BAZ2A: variants seen among roughly 807,000 people sequenced by gnomAD.
BAZ2A encodes the protein bromodomain adjacent to zinc finger domain protein 2A.
Under a neutral mutation model 199.9 loss-of-function variants are expected in BAZ2A, and 34 were observed. The observed-to-expected ratio is 0.17, with a 90% CI of 0.13 to 0.23. BAZ2A has a LOEUF of 0.23. BAZ2A is among the 10% of genes least tolerant of loss of function. The pLI, the probability that BAZ2A is intolerant of heterozygous loss-of-function variation, is 1.00. For synonymous variants in BAZ2A, 857 were observed against 883.9 expected (o/e 0.97, Z 0.54); for missense variants, 2,002 against 2,391.1 (o/e 0.84, Z 3.39).
upstream of BAZ2A, among the ~76,000 whole-genome samples, chr12:56,632,707 C>A (rs1216438529): frequency 6.6e-6 from 1 of 152,182 alleles, no homozygotes; most frequent in Non-Finnish European, 1.5e-5. Context: ...TTCTTCCCAT[C>A]TGGTGCAGAA....
intron 26 of BAZ2A, 89 bp downstream of exon 26, chr12:56,599,613 C>G: frequency 6.4e-7 from 1 of 1,568,850 alleles, no homozygotes. Context: ...CCCTAATACC[C>G]AGTCTAGGAC....
chr12:56,609,147 G>C (rs998763398), intron 10 of BAZ2A, among the ~76,000 whole-genome samples: 1 of 151,976 alleles, frequency 6.6e-6, no homozygotes, highest in Non-Finnish European at 1.5e-5. Flanking sequence ...CGAAGTGCTG[G>C]GATTACAGGT....
chr12:56,603,788 G>T (rs1048826472), intron 16 of BAZ2A, 88 bp from the exon 17 acceptor site: 3 of 1,453,216 alleles, frequency 2.1e-6, no homozygotes, highest in South Asian at 1.3e-5. Flanking sequence ...CAAGACAGGC[G>T]GATCACCTGA....
At position 56,599,418 on chromosome 12, in the gene BAZ2A, C is replaced by T. The variant is rs1464318990; in HGVS notation, c.5173-60G>A. The stretch of plus-strand genomic sequence containing the variant: ...TGGAGATGCACTGCTTGCCCTACTA[C>T]AATCTCTGCCTAAATATGATTTAAG... On this transcript the variant is annotated intron_variant, in intron 26 of 28. Coordinates refer to ENST00000549884, the MANE Select transcript of BAZ2A (RefSeq NM_001300905.2). 7.9e-6 allele frequency: 12 copies of T among 1,524,838 alleles called. No individual in the cohort carries two copies. The East Asian group carries it at 1.6e-4, about 21-fold the overall frequency. The allele number at this position is 1,524,838 out of a possible 1,614,324, so 94.5% of individuals were successfully genotyped here.
chr12:56,621,266 A>G, intron 1 of BAZ2A: 3 of 985,280 alleles, frequency 3.0e-6, no homozygotes, highest in Non-Finnish European at 3.6e-6. Flanking sequence ...GGAAAAGCAC[A>G]GCATATCCTG....
chr12:56,603,179 A>G (rs1008228620), intron 18 of BAZ2A, among the ~76,000 whole-genome samples, 180 bp downstream of exon 18: 4 of 152,100 alleles, frequency 2.6e-5, no homozygotes, highest in Non-Finnish European at 5.9e-5. Flanking sequence ...TACTTGGGAG[A>G]ATCACCTAAG....
At chr12:56,626,829 T>C (rs1273636663) in intron 1 of BAZ2A, among the ~76,000 whole-genome samples, 1 of 152,172 alleles carries the variant, frequency 6.6e-6, no homozygotes, top group Non-Finnish European at 1.5e-5. Context: ...CCAATTCAGG[T>C]AAGCAAAGGC....
At position 56,615,312 on chromosome 12, in the gene BAZ2A, G is replaced by A. The variant is rs745556067; in HGVS notation, c.432C>T (p.Ser144=). The A allele has an allele frequency of 6.2e-7, 1 of 1,613,938 alleles. No homozygotes were observed. Among genetic ancestry groups the A allele is most frequent in the Admixed American group, 1.7e-5 (1 of 60,018 alleles). Reference sequence around the variant, plus strand: ...GGGTACCGTTGGCCCAGAACTCTTGGCTCCCAGCCCGAAGGTTAGTGTTAT... The same window carrying A: ...GGGTACCGTTGGCCCAGAACTCTTGACTCCCAGCCCGAAGGTTAGTGTTAT... ...PSHNTNLRAG[S]QEFWANGTQS... The change falls in exon 3 of 29, where the codon AGC becomes AGT. Residue 144 remains serine (S), a synonymous_variant. Transcript: ENST00000549884.
chr12:56,602,664 ATTC>A, intron 19 of BAZ2A, 46 bp downstream of exon 19: 1 of 1,586,530 alleles, frequency 6.3e-7, no homozygotes, highest in Non-Finnish European at 8.6e-7. Flanking sequence ...GAATTATTTA[ATTC>A]TTGTTTGATA....
In BAZ2A at chr12:56,596,157, A is replaced by AT. The variant is rs1251005015; in HGVS notation, c.*2460dup. 3.3e-5 allele frequency: 5 copies of AT among 152,832 alleles called. No individual in the cohort carries two copies. Among genetic ancestry groups the AT allele is most frequent in the African/African-American group, 9.6e-5 (4 of 41,592 alleles). The allele number at this position is 152,832 out of a possible 1,614,324, so 9.5% of individuals were successfully genotyped here. A position where few individuals can be genotyped will look rare whatever the true frequency, so the allele number is the denominator to read the frequency against. ...TCACTAAAACACCACATTTGGTTATATAAAAAGTCCCTTTTGCTGTAAAAG... is the reference window on the plus strand; with the variant it reads ...TCACTAAAACACCACATTTGGTTATATTAAAAAGTCCCTTTTGCTGTAAAAG... On this transcript the variant is annotated 3_prime_UTR_variant, in exon 29 of 29. Coordinates refer to ENST00000549884, the MANE Select transcript of BAZ2A (RefSeq NM_001300905.2).
At position 56,600,897 on chromosome 12, in the gene BAZ2A, T is replaced by A. The variant is rs779082883; in HGVS notation, c.4450+46A>T. On this transcript the variant is annotated intron_variant, in intron 22 of 28. Transcript: ENST00000549884. ...GTTGTCCCTAGCAGCAGCTCAATGCTTATCCTGGGCTCTTCAGCTCAAGCT... is the reference window on the plus strand; with the variant it reads ...GTTGTCCCTAGCAGCAGCTCAATGCATATCCTGGGCTCTTCAGCTCAAGCT... 23 of 1,611,646 alleles carry A rather than the reference T, an allele frequency of 1.4e-5. No homozygotes were observed. In the African/African-American group the frequency reaches 3.1e-4, roughly 22 times the overall value.
chr12:56,622,044 G>C (rs559455752), intron 1 of BAZ2A, among the ~76,000 whole-genome samples: 4 of 150,438 alleles, frequency 2.7e-5, no homozygotes, highest in South Asian at 4.4e-4. Context: ...TTTTCAAAAA[G>C]ATAATCAGGC....
chr12:56,614,149 A>C lies in BAZ2A; in HGVS notation c.731-11T>G, dbSNP rs12314491. 54,702 of 1,610,208 alleles carry C rather than the reference A, an allele frequency of 0.034. 5,418 individuals carry two copies. The African/African-American group carries it at 0.36, about 11-fold the overall frequency. On this transcript the variant is annotated splice_polypyrimidine_tract_variant and intron_variant, in intron 3 of 28. Coordinates refer to ENST00000549884, the MANE Select transcript of BAZ2A (RefSeq NM_001300905.2). ...CACACATCTTCAGTTCTAGGAAATC[A>C]CAGGAGAGACCAAAAGTCAAAATCA...
intron 1 of BAZ2A, among the ~76,000 whole-genome samples, chr12:56,625,640 G>A (rs1951064434): frequency 6.6e-6 from 1 of 151,924 alleles, no homozygotes; most frequent in South Asian, 2.1e-4. Context: ...CACTTTGGGA[G>A]GCCGAGACGG....
chr12:56,630,094 C>G (rs1046622878), intron 1 of BAZ2A, 31 bp downstream of exon 1: 49 of 966,976 alleles, frequency 5.1e-5, no homozygotes, highest in East Asian at 3.4e-4. Flanking sequence ...GCTCCCTCCC[C>G]CTCAGGCCCC....
chr12:56,602,952 G>A, intron 18 of BAZ2A, 95 bp from the exon 19 acceptor site: 1 of 1,370,266 alleles, frequency 7.3e-7, no homozygotes, highest in Non-Finnish European at 9.9e-7. Context: ...ATGGCTCTCA[G>A]TCCCTCTATA....
chr12:56,597,018 A>G lies in BAZ2A; in HGVS notation c.*1600T>C, dbSNP rs1885890520. Reference sequence around the variant, plus strand: ...CCTCAGCTCTCTGCTTGGGCCAGCCAGCAGCCACCTCCCCAGTGCAAGTAC... The same window carrying G: ...CCTCAGCTCTCTGCTTGGGCCAGCCGGCAGCCACCTCCCCAGTGCAAGTAC... On this transcript the variant is annotated 3_prime_UTR_variant, in exon 29 of 29. Coordinates refer to ENST00000549884, the MANE Select transcript of BAZ2A (RefSeq NM_001300905.2). The G allele has an allele frequency of 6.6e-6, 1 of 152,556 alleles. No homozygotes were observed. Among genetic ancestry groups the G allele is most frequent in the African/African-American group, 2.4e-5 (1 of 41,402 alleles). The allele number at this position is 152,556 out of a possible 1,614,324, so 9.5% of individuals were successfully genotyped here. A position where few individuals can be genotyped will look rare whatever the true frequency, so the allele number is the denominator to read the frequency against.
chr12:56,636,487 G>T, upstream of BAZ2A: 1 of 775,238 alleles, frequency 1.3e-6, no homozygotes, highest in Non-Finnish European at 1.8e-6. Context: ...AGAGAGCTGT[G>T]TTGACACTCC....
At chr12:56,636,423 G>C, upstream of BAZ2A, 1 of 1,346,616 alleles carries the variant, frequency 7.4e-7, no homozygotes, top group South Asian at 1.7e-5. Context: ...TCTCTGGGTG[G>C]AGAGAGGGAG....
Sources: allele counts gnomAD v4.1 joint callset (sites outside exome capture counted in the v4.1 genomes callset), GRCh38; gene constraint gnomAD v4.1.1; transcripts MANE v1.5; gene names NCBI Gene and HGNC (gene_info 2026-07-23, HGNC 2026-07-21).